Variants in PCDHGB1 observed in about 807,000 individuals in gnomAD.
PCDHGB1 encodes protocadherin gamma subfamily B, 1.
In PCDHGB1, 34 loss-of-function variants were observed where a neutral mutation model predicts 56.6. The observed-to-expected ratio is 0.60, with a 90% CI of 0.46 to 0.80. PCDHGB1 has a LOEUF of 0.80. Ranked by LOEUF, PCDHGB1 falls within the 30% of genes least tolerant of loss-of-function variation. The pLI, the probability that PCDHGB1 is intolerant of heterozygous loss-of-function variation, is 0.00. For synonymous variants in PCDHGB1, 561 were observed against 505.9 expected, an observed-to-expected ratio of 1.11 and a Z score of -1.46; for missense variants, 1,278 against 1,204.6, an observed-to-expected ratio of 1.06 and a Z score of -0.90.
At chr5:141,374,840 GA>G in intron 1 of PCDHGB1, 1 of 1,613,796 alleles carries the variant, frequency 6.2e-7, no homozygotes, top group Non-Finnish European at 8.5e-7. Flanking sequence ...AAGTGTTCCT[GA>G]AAACCTGCCA....
Position 141,477,553 on chromosome 5 carries a change from A to G in PCDHGB1, c.2410-17254A>G. ...TCCCCGGGGCTCCAATACTAAACCTAAGTGTCTGGGACCCCGACGCCCCGC... is the reference window on the plus strand; with the variant it reads ...TCCCCGGGGCTCCAATACTAAACCTGAGTGTCTGGGACCCCGACGCCCCGC... On this transcript the variant is annotated intron_variant, in intron 1 of 3. Transcript: ENST00000523390. This position sits in a 1 kb window ranked among gnomAD's most constrained non-coding sequence, Gnocchi z 4.9. 5 of 1,614,090 alleles carry G rather than the reference A, an allele frequency of 3.1e-6. No individual in the cohort carries two copies. The highest frequency in any genetic ancestry group is 4.2e-6 in the Non-Finnish European group (5 of 1,180,020).
chr5:141,394,929 G>C, intron 1 of PCDHGB1: 4 of 1,613,762 alleles, frequency 2.5e-6, no homozygotes, highest in Non-Finnish European at 3.4e-6. Flanking sequence ...TGTCTTCCTC[G>C]CCTTTGTCGC....
chr5:141,420,187 CA>C (rs779974762), intron 1 of PCDHGB1: 25 of 1,613,706 alleles, frequency 1.5e-5, no homozygotes, highest in Non-Finnish European at 2.1e-5. Flanking sequence ...ATTGTCCAGC[CA>C]CACAAGATAA....
At chr5:141,391,287 A>G (rs1429932607) in intron 1 of PCDHGB1, 1 of 152,126 alleles carries the variant, frequency 6.6e-6, no homozygotes, top group Non-Finnish European at 1.5e-5. Flanking sequence ...TTGCTGAAAG[A>G]AGGAAACGTC....
In PCDHGB1 at chr5:141,366,784, A is replaced by G. The variant is rs749444374; in HGVS notation, c.2409+14115A>G. Reference sequence around the variant, plus strand: ...TTCTCTTTCGGTAAGGATGACCAGAACATTTTCATTTGTTTCCTTTTTCAT... The same window carrying G: ...TTCTCTTTCGGTAAGGATGACCAGAGCATTTTCATTTGTTTCCTTTTTCAT... On this transcript the variant is annotated intron_variant, in intron 1 of 3. Coordinates refer to ENST00000523390, the MANE Select transcript of PCDHGB1 (RefSeq NM_018922.3). 6 of 1,579,152 alleles carry G rather than the reference A, an allele frequency of 3.8e-6. No homozygotes were observed. The South Asian group carries it at 6.9e-5, about 18-fold the overall frequency.
At chr5:141,371,504 AAC>A (rs780003626) in intron 1 of PCDHGB1, 7 of 1,613,916 alleles carry the variant, frequency 4.3e-6, no homozygotes, top group Non-Finnish European at 5.9e-6. Context: ...CCCTGATCAA[AAC>A]ACATGATCTA....
intron 1 of PCDHGB1, chr5:141,356,242 A>G: frequency 4.4e-6 from 7 of 1,582,740 alleles, no homozygotes; most frequent in Non-Finnish European, 5.2e-6. Flanking sequence ...ACCAGAAGTC[A>G]CAGTTACATC....
rs762866893 is a variant in PCDHGB1 at position 141,389,080 on chromosome 5, C to G, written c.2409+36411C>G. ...AAAATATTAACTTCTTCAAGAAACA[C>G]GTATAAATTAGTGACAGATGCTGTT... On this transcript the variant is annotated intron_variant, in intron 1 of 3. Transcript: ENST00000523390. 7 of 1,613,984 alleles carry G rather than the reference C, an allele frequency of 4.3e-6. No individual in the cohort carries two copies. The South Asian group carries it at 5.5e-5, about 13-fold the overall frequency.
intron 1 of PCDHGB1, among the ~76,000 whole-genome samples, chr5:141,460,983 GTATA>G (rs59296681): frequency 0.024 from 3,365 of 137,748 alleles, 55 homozygotes; most frequent in African/African-American, 0.035. Flanking sequence ...GTGTGTGTGT[GTATA>G]TATATATATG....
intron 1 of PCDHGB1, chr5:141,362,620 T>G (rs763103959): frequency 6.5e-7 from 1 of 1,527,082 alleles, no homozygotes; most frequent in Non-Finnish European, 8.8e-7. Context: ...GGGTAGGAAG[T>G]TCCACTGCGT....
intron 1 of PCDHGB1, chr5:141,388,082 G>A (rs2091230905): frequency 2.9e-6 from 4 of 1,367,298 alleles, no homozygotes; most frequent in Non-Finnish European, 4.0e-6. Flanking sequence ...CTCGAAAACT[G>A]CGCGTCAGTT....
chr5:141,511,082 C>T lies in PCDHGB1; in HGVS notation c.2693C>T (p.Thr898Ile). Residue 898 changes from threonine to isoleucine, a missense_variant, in exon 4 of 4, where the codon ACA (threonine) becomes ATA (isoleucine). By Grantham distance (89) the Thr-to-Ile change is moderately conservative. Transcript: ENST00000523390. ...QNVYIPGSNA[T>I]LTNAAGKRDG... ...GTCTACATCCCAGGCAGCAATGCCA[C>T]ACTGACCAACGCAGCTGGCAAGCGG... 1 of 1,614,224 alleles carries T rather than the reference C, an allele frequency of 6.2e-7. No individual in the cohort carries two copies. Among genetic ancestry groups the T allele is most frequent in the Non-Finnish European group, 8.5e-7 (1 of 1,180,028 alleles).
chr5:141,421,533 C>T (rs80184002), intron 1 of PCDHGB1: 1 of 1,614,044 alleles, frequency 6.2e-7, no homozygotes, highest in African/African-American at 1.3e-5. Flanking sequence ...CGGTGTCCTC[C>T]TGTTTTTTAA....
rs760345760 is a variant in PCDHGB1 at position 141,352,336 on chromosome 5, G to C, written c.2076G>C (p.Leu692Phe). ...TGCAGTTTTACCTGGTTGTGGCCTT[G>C]GCCTTGATCTCAGTGCTCTTTCTCC... The part of the protein sequence containing the change: ...TELQFYLVVA[L>F]ALISVLFLLA... Residue 692 changes from leucine to phenylalanine, a missense_variant, in exon 1 of 4, where the codon TTG becomes TTC. Transcript: ENST00000523390. 1.2e-6 allele frequency: 2 copies of C among 1,613,924 alleles called. No individual in the cohort carries two copies. The highest frequency in any genetic ancestry group is 2.7e-5 in the African/African-American group (2 of 74,926).
chr5:141,394,128 GC>G, intron 1 of PCDHGB1: 4 of 1,613,730 alleles, frequency 2.5e-6, no homozygotes, highest in Non-Finnish European at 3.4e-6. Context: ...AACTCAAATC[GC>G]TCTGCACGTG....
chr5:141,394,472 G>C, intron 1 of PCDHGB1: 2 of 1,614,242 alleles, frequency 1.2e-6, no homozygotes, highest in East Asian at 2.2e-5. Flanking sequence ...TGTTCGTGCT[G>C]GACCAGAATG....
intron 1 of PCDHGB1, chr5:141,471,166 C>T (rs1427053969): frequency 2.0e-5 from 3 of 150,492 alleles, no homozygotes; most frequent in Non-Finnish European, 2.9e-5. Context: ...TCTCCTGGCT[C>T]AGCCTCCCTA....
At chr5:141,360,418 A>G (rs1372151234) in intron 1 of PCDHGB1, 2 of 1,613,992 alleles carry the variant, frequency 1.2e-6, no homozygotes, top group Non-Finnish European at 1.7e-6. Context: ...CCGAGAACAG[A>G]TATGCGGGAA....
intron 1 of PCDHGB1, chr5:141,377,804 G>A (rs1588845842): frequency 6.6e-6 from 1 of 152,230 alleles, no homozygotes; most frequent in Middle Eastern, 3.4e-3. Flanking sequence ...GTAACTATCT[G>A]TTATTTACTT....
Sources: gnomAD v4.1 joint callset for allele counts (sites outside exome capture counted in the v4.1 genomes callset) on GRCh38, gnomAD v4.1.1 for gene constraint, Gnocchi (gnomAD v3.1) non-coding constraint, MANE v1.5 for transcripts, NCBI Gene and HGNC (gene_info 2026-07-23, HGNC 2026-07-21) for gene names.